Variants in PLPBP observed in about 807,000 individuals in gnomAD.
PLPBP encodes the protein pyridoxal phosphate binding protein.
Under a neutral mutation model 31.2 loss-of-function variants are expected in PLPBP, and 21 were observed. The ratio of observed to expected loss-of-function variants is 0.67; its 90% CI spans 0.48 to 0.97. The LOEUF is 0.97. PLPBP is among the 50% of genes least tolerant of loss of function. PLPBP has a pLI of 0.00. For missense variants in PLPBP, 308 were observed against 354.4 expected, an observed-to-expected ratio of 0.87 and a Z score of 1.05; for synonymous variants, 124 against 135.6, an observed-to-expected ratio of 0.91 and a Z score of 0.59.
chr8:37,768,974 A>G (rs1251982037), intron 4 of PLPBP, among the ~76,000 whole-genome samples: 1 of 152,186 alleles, frequency 6.6e-6, no homozygotes, highest in Non-Finnish European at 1.5e-5. Context: ...TATTAGAATA[A>G]AATGCAGGAA....
At chr8:37,775,155 C>G (rs1803867687) in intron 5 of PLPBP, 184 bp from the exon 6 acceptor site, 1 of 535,894 alleles carries the variant, frequency 1.9e-6, no homozygotes, top group African/African-American at 1.9e-5. Context: ...AATTTAGAAC[C>G]TGACCAGAAG....
chr8:37,769,018 G>A (rs1803708344), intron 4 of PLPBP, among the ~76,000 whole-genome samples: 3 of 151,948 alleles, frequency 2.0e-5, no homozygotes, highest in African/African-American at 4.8e-5. Context: ...TTCTAAGCAA[G>A]ACATAAAATC....
chr8:37,762,622 C>T (rs1803503864), upstream of PLPBP: 1 of 1,544,726 alleles, frequency 6.5e-7, no homozygotes, highest in Non-Finnish European at 8.7e-7. Flanking sequence ...GAGCCACGGG[C>T]TGCCGGGGGC....
At position 37,778,068 on chromosome 8, in the gene PLPBP, C is replaced by T. The variant is rs372209680; in HGVS notation, c.792C>T (p.Asp264=). ...CCACCCCGGACAAGTGCGCAGCAGA[C>T]GTGAAGGCCCCGCTGGAGGTGGCAC... The part of the protein sequence containing the change: ...KKPTPDKCAA[D]VKAPLEVAQE... The change falls in exon 8 of 8, where the codon GAC becomes GAT. Residue 264 remains aspartate, a synonymous_variant. Coordinates refer to ENST00000328195, the MANE Select transcript of PLPBP (RefSeq NM_007198.4). 19 of 1,613,528 alleles carry T rather than the reference C, an allele frequency of 1.2e-5. No individual in the cohort carries two copies. Among genetic ancestry groups the T allele is most frequent in the African/African-American group, 2.7e-5 (2 of 74,920 alleles).
In PLPBP at chr8:37,775,492, G is replaced by T. The variant is rs773066500; in HGVS notation, c.597+11G>T. On this transcript the variant is annotated intron_variant, in intron 6 of 7. Transcript: ENST00000328195. ...AATCCAGACTTCCAGGTACTGGGGGGTCGGGGAGATTGCTCGTGTGCTAAA... is the reference window on the plus strand; with the variant it reads ...AATCCAGACTTCCAGGTACTGGGGGTTCGGGGAGATTGCTCGTGTGCTAAA... The T allele has an allele frequency of 1.9e-6, 3 of 1,613,492 alleles. No individual in the cohort carries two copies. Among genetic ancestry groups the T allele is most frequent in the Non-Finnish European group, 8.5e-7 (1 of 1,179,970 alleles).
At chr8:37,762,582 C>A (rs1043045513), upstream of PLPBP, 8 of 1,515,112 alleles carry the variant, frequency 5.3e-6, no homozygotes, top group African/African-American at 4.1e-5. Flanking sequence ...GTTCACACGG[C>A]GCAAGCTGGG....
chr8:37,763,214 G>T (rs1197375450), intron 1 of PLPBP, among the ~76,000 whole-genome samples: 2 of 152,236 alleles, frequency 1.3e-5, no homozygotes, highest in African/African-American at 4.8e-5. Context: ...GGAGGCCGAG[G>T]TGAGGGTGGA....
In PLPBP at chr8:37,775,156, T is replaced by C. The variant is rs561723718; in HGVS notation, c.455-183T>C. 2.4e-3 allele frequency: 1,309 copies of C among 542,028 alleles called. 1 individual carries two copies. The highest frequency in any genetic ancestry group is 3.4e-3 in the Non-Finnish European group (1,104 of 320,560). 33.6% of individuals were successfully genotyped at this position (542,028 alleles called of 1,614,324 possible). ...TTCTTTTCTTGAGAAATTTAGAACC[T>C]GACCAGAAGCAGAGCAACATAGAAA... is the stretch of plus-strand genomic sequence containing the variant. On this transcript the variant is annotated intron_variant, in intron 5 of 7. Transcript: ENST00000328195.
intron 4 of PLPBP, 145 bp downstream of exon 4, chr8:37,766,500 T>G: frequency 7.6e-7 from 1 of 1,311,704 alleles, no homozygotes; most frequent in Non-Finnish European, 9.7e-7. Flanking sequence ...GAGTTCTTAA[T>G]AAAAAGAGAA....
chr8:37,768,688 T>C (rs1803699727), intron 4 of PLPBP, among the ~76,000 whole-genome samples: 1 of 152,058 alleles, frequency 6.6e-6, no homozygotes, highest in South Asian at 2.1e-4. Flanking sequence ...TTGGCTAGGC[T>C]GGTCTCAAAC....
chr8:37,778,156 G>A lies in PLPBP; in HGVS notation c.*52G>A, dbSNP rs780785354. ...ATGCACTAACCTAGATTTTCATTTC[G>A]ATATTCCCTGTGTCCCAGCGCAGTC... On this transcript the variant is annotated 3_prime_UTR_variant, in exon 8 of 8. Transcript: ENST00000328195. 14 of 1,590,864 alleles carry A rather than the reference G, an allele frequency of 8.8e-6. No homozygotes were observed. Among genetic ancestry groups the A allele is most frequent in the African/African-American group, 5.4e-5 (4 of 74,294 alleles).
intron 5 of PLPBP, 74 bp downstream of exon 5, chr8:37,772,963 C>A: frequency 6.4e-7 from 1 of 1,563,800 alleles, no homozygotes; most frequent in Non-Finnish European, 8.8e-7. Flanking sequence ...TGGGTGGGCC[C>A]AAGTGTCTGA....
chr8:37,766,362 T>TA lies in PLPBP; in HGVS notation c.319+11dup. On this transcript the variant is annotated splice_region_variant and intron_variant, in intron 4 of 7. Transcript: ENST00000328195. Reference sequence around the variant, plus strand: ...AATGTCAACAAATTGATGGGTAAGATAAAATTAAATATGAAAACAAAATTG... The same window carrying TA: ...AATGTCAACAAATTGATGGGTAAGATAAAAATTAAATATGAAAACAAAATTG... 1 of 1,597,540 alleles carries TA rather than the reference T, an allele frequency of 6.3e-7. No homozygotes were observed. The highest frequency in any genetic ancestry group is 8.6e-7 in the Non-Finnish European group (1 of 1,168,546).
At chr8:37,776,911 C>T (rs562991029) in intron 7 of PLPBP, among the ~76,000 whole-genome samples, 21 of 152,204 alleles carry the variant, frequency 1.4e-4, no homozygotes, top group African/African-American at 4.3e-4. Flanking sequence ...GGATTACAGG[C>T]GCCTGCCACA....
rs2129811039 is a variant in PLPBP at position 37,775,799 on chromosome 8, T to C, written c.598-119T>C. The C allele has an allele frequency of 2.7e-6, 3 of 1,094,494 alleles. No individual in the cohort carries two copies. The African/African-American group carries it at 4.7e-5, about 17-fold the overall frequency. The allele number at this position is 1,094,494 out of a possible 1,614,324, so 67.8% of individuals were successfully genotyped here. A position where few individuals can be genotyped will look rare whatever the true frequency, so the allele number is the denominator to read the frequency against. ...ACCCTTTCAGTAACGTCTGGCAATT[T>C]TGGCAGGCCTTGAAATCATAAGGAA... On this transcript the variant is annotated intron_variant, in intron 6 of 7. Coordinates refer to ENST00000328195, the MANE Select transcript of PLPBP (RefSeq NM_007198.4).
rs1164294975 is a variant in PLPBP, at chr8:37,765,692, T to G, written c.208-19T>G. ...TCATGATTGCCAGGCTTCTGACTTGTTCTGTTTTGACCTTTTAGGTTCAGG... is the reference window on the plus strand; with the variant it reads ...TCATGATTGCCAGGCTTCTGACTTGGTCTGTTTTGACCTTTTAGGTTCAGG... On this transcript the variant is annotated intron_variant, in intron 2 of 7. Coordinates refer to ENST00000328195, the MANE Select transcript of PLPBP (RefSeq NM_007198.4). The G allele has an allele frequency of 8.1e-6, 13 of 1,614,114 alleles. No homozygotes were observed. Among genetic ancestry groups the G allele is most frequent in the Non-Finnish European group, 1.1e-5 (13 of 1,180,054 alleles).
At chr8:37,762,850 G>T (rs1803516167) in intron 1 of PLPBP, 92 bp downstream of exon 1, 4 of 1,463,538 alleles carry the variant, frequency 2.7e-6, no homozygotes, top group East Asian at 2.5e-5. Flanking sequence ...ACGCAGAGGG[G>T]TCTCCCAGAG....
At chr8:37,769,946 T>G (rs1803727003) in intron 4 of PLPBP, among the ~76,000 whole-genome samples, 1 of 152,194 alleles carries the variant, frequency 6.6e-6, no homozygotes, top group Non-Finnish European at 1.5e-5. Context: ...AGTGAAAGAT[T>G]TCTGCAATGA....
rs367850837 is a variant in PLPBP, at chr8:37,777,980, T to G, written c.704T>G (p.Val235Gly). 2.1e-4 allele frequency: 335 copies of G among 1,611,816 alleles called. No individual in the cohort carries two copies. Among genetic ancestry groups the G allele is most frequent in the Non-Finnish European group, 2.7e-4 (320 of 1,178,340 alleles). ...TTCTCTTTTTTCCCACAGGTTGAAG[T>G]AGGATCTACAAATGTCCGAATAGGA... ...MSADFQHAVE[V>G]GSTNVRIGST... The change falls in exon 8 of 8, where the codon GTA becomes GGA. Residue 235 changes from valine (V) to glycine (G), a missense_variant. Transcript: ENST00000328195.
Sources: gnomAD v4.1 joint callset for allele counts (sites outside exome capture counted in the v4.1 genomes callset) on GRCh38, gnomAD v4.1.1 for gene constraint, MANE v1.5 for transcripts, NCBI Gene and HGNC (gene_info 2026-07-23, HGNC 2026-07-21) for gene names.